BSN: variants seen among roughly 807,000 people sequenced by gnomAD.
The protein encoded by BSN is protein bassoon.
BSN carries 57 observed loss-of-function variants against 264.8 expected under a neutral mutation model. The observed-to-expected ratio is 0.22, with a 90% CI of 0.17 to 0.27. BSN has a LOEUF of 0.27. Among genes scored for constraint, BSN ranks in the 10% least tolerant of loss-of-function variants. The probability of loss-of-function intolerance (pLI) is 1.00; values close to 1 mark genes in which losing one functional copy is unlikely to be tolerated. For synonymous variants in BSN, 2,059 were observed against 2,137.3 expected (o/e 0.96, Z 1.01); for missense variants, 4,615 against 5,232.5 (o/e 0.88, Z 3.64).
chr3:49,661,477 C>A lies in BSN; in HGVS notation c.9632C>A (p.Ala3211Asp), dbSNP rs146448461. The A allele has an allele frequency of 4.1e-3, 6,599 of 1,614,014 alleles. 69 individuals carry two copies. Among genetic ancestry groups the A allele is most frequent in the Non-Finnish European group, 3.2e-3 (3,793 of 1,180,038 alleles). ...CGTGGCAGTGTGAGCCAGAGCCCAG[C>A]CCCCACCTACCCCTCTGACTCACAC... ...GDRGSVSQSP[A>D]PTYPSDSHYT... The change falls in exon 6 of 12, where the codon GCC becomes GAC. Residue 3211 changes from alanine (A) to aspartate (D), a missense_variant. Around this residue, in one of 3 missense-constraint regions of BSN, gnomAD observed 3,415 missense variants for 3,866.4 expected, o/e 0.88. Coordinates refer to ENST00000296452, the MANE Select transcript of BSN (RefSeq NM_003458.4).
rs201932914 is a variant in BSN, at chr3:49,655,323, G to A, written c.5767G>A (p.Val1923Met). Residue 1923 changes from valine to methionine, a missense_variant, in exon 5 of 12, where the codon GTG becomes ATG. Val to Met is a conservative substitution (Grantham distance 21). This residue lies in a region of BSN where 3,415 missense variants were observed against 3,866.4 expected (regional missense o/e 0.88). Transcript: ENST00000296452. ...CTGTFHPAPS[V>M]PEKSMADAAP... Reference sequence around the variant, plus strand: ...TGGCACCTTCCACCCGGCCCCCAGTGTGCCTGAGAAGAGCATGGCAGATGC... The same window carrying A: ...TGGCACCTTCCACCCGGCCCCCAGTATGCCTGAGAAGAGCATGGCAGATGC... The A allele has an allele frequency of 6.2e-7, 1 of 1,610,150 alleles. No individual in the cohort carries two copies. The highest frequency in any genetic ancestry group is 8.5e-7 in the Non-Finnish European group (1 of 1,178,508).
chr3:49,620,379 C>T lies in BSN; in HGVS notation c.225-4596C>T, dbSNP rs577133222. On this transcript the variant is annotated intron_variant, in intron 1 of 11. Transcript: ENST00000296452. ...GGCGGAGGTTGCCGTGAGCTGAGAT[C>T]GCAGCACTGTACTCCAGCCTGGGCG... is the stretch of plus-strand genomic sequence containing the variant. 2.0e-5 allele frequency among the ~76,000 whole-genome samples: 3 copies of T among 150,952 alleles called. No homozygotes were observed. The East Asian group carries it at 5.9e-4, about 30-fold the overall frequency.
chr3:49,613,303 C>CAAGAGA (rs2052223343), intron 1 of BSN, among the ~76,000 whole-genome samples: 1 of 47,332 alleles, frequency 2.1e-5, no homozygotes. Context: ...ACACACAGAG[C>CAAGAGA]GAGAGAGAGA....
intron 2 of BSN, among the ~76,000 whole-genome samples, chr3:49,633,692 A>G (rs1204072196): frequency 6.6e-6 from 1 of 152,230 alleles, no homozygotes; most frequent in East Asian, 1.9e-4. Context: ...CCCATTGACA[A>G]ATGAGCAAAT....
At chr3:49,578,205 C>T (rs2051861666) in intron 1 of BSN, among the ~76,000 whole-genome samples, 1 of 152,084 alleles carries the variant, frequency 6.6e-6, no homozygotes, top group South Asian at 2.1e-4. Flanking sequence ...TTGTTGCCCA[C>T]CTAGGATGGT....
downstream of BSN, among the ~76,000 whole-genome samples, chr3:49,673,036 T>A (rs1354060073): frequency 7.9e-6 from 1 of 126,128 alleles, no homozygotes; most frequent in Non-Finnish European, 1.6e-5. Flanking sequence ...GCCTCGGCCT[T>A]CCAAAGTGCA....
chr3:49,671,153 CGTGCGTGTGTGTGTGTGT>C lies in BSN; in HGVS notation c.*3672_*3689del, dbSNP rs987746469. On this transcript the variant is annotated 3_prime_UTR_variant, in exon 12 of 12. Coordinates refer to ENST00000296452, the MANE Select transcript of BSN (RefSeq NM_003458.4). The surrounding 1 kb of genome is among the most constrained non-coding windows in gnomAD (Gnocchi z 4.1). Reference sequence around the variant, plus strand: ...GATCATGTGTGTATGTGCGTGCGTGCGTGCGTGTGTGTGTGTGTGTGTGTTTCTGCCTCATTCAGTTTC... The same window carrying C: ...GATCATGTGTGTATGTGCGTGCGTGCGTGTGTTTCTGCCTCATTCAGTTTC... 3.5e-4 allele frequency: 18 copies of C among 51,572 alleles called. No individual in the cohort carries two copies. Among genetic ancestry groups the C allele is most frequent in the South Asian group, 1.5e-3 (1 of 676 alleles). The allele number at this position is 51,572 out of a possible 1,614,324, so 3.2% of individuals were successfully genotyped here. A position where few individuals can be genotyped will look rare whatever the true frequency, so the allele number is the denominator to read the frequency against.
At chr3:49,576,602 A>T (rs1321018566) in intron 1 of BSN, among the ~76,000 whole-genome samples, 2 of 151,950 alleles carry the variant, frequency 1.3e-5, no homozygotes, top group Non-Finnish European at 2.9e-5. Flanking sequence ...TTGAAATTTT[A>T]GTAGAGATGG....
chr3:49,650,888 A>G lies in BSN; in HGVS notation c.1795A>G (p.Ser599Gly). Residue 599 changes from serine (S) to glycine (G), a missense_variant, in exon 4 of 12, where the codon AGC becomes GGC. Physicochemically the swap from Ser to Gly is moderately conservative, Grantham distance 56. Transcript: ENST00000296452. ...QAKPLRASEP[S>G]KTPSSVQEKK... is the part of the protein sequence containing the mutation. ...CAAGCCCCTCAGGGCTTCTGAACCC[A>G]GCAAGACCCCAAGCAGTGTCCAGGA... 1 of 1,614,222 alleles carries G rather than the reference A, an allele frequency of 6.2e-7. No individual in the cohort carries two copies. The highest frequency in any genetic ancestry group is 1.1e-5 in the South Asian group (1 of 91,086).
At chr3:49,564,397 A>G (rs1052997795) in intron 1 of BSN, among the ~76,000 whole-genome samples, 2 of 152,142 alleles carry the variant, frequency 1.3e-5, no homozygotes, top group Admixed American at 6.5e-5. Flanking sequence ...AGTCTCTGCT[A>G]TGTTTTCTCT....
At position 49,652,336 on chromosome 3, in the gene BSN, G is replaced by A. The variant is rs1353546365; in HGVS notation, c.2780G>A (p.Gly927Glu). 2.1e-5 allele frequency: 34 copies of A among 1,602,500 alleles called. No individual in the cohort carries two copies. The highest frequency in any genetic ancestry group is 2.9e-5 in the Non-Finnish European group (34 of 1,173,854). ...ATDGSGTLQG[G>E]LRRFKTIELN... ...GATGGCAGTGGGACCCTGCAGGGTG[G>A]GCTCCGTCGCTTCAAGACCATTGAG... Residue 927 changes from glycine to glutamate, a missense_variant, in exon 5 of 12, where the codon GGG becomes GAG. This residue lies in a region of BSN where 1,197 missense variants were observed against 1,348.0 expected (regional missense o/e 0.89). Coordinates refer to ENST00000296452, the MANE Select transcript of BSN (RefSeq NM_003458.4).
intron 1 of BSN, among the ~76,000 whole-genome samples, chr3:49,559,478 A>C (rs1180806152): frequency 1.3e-5 from 2 of 152,222 alleles, no homozygotes; most frequent in Non-Finnish European, 2.9e-5. Flanking sequence ...GCATGAACAT[A>C]ACCACAGCAC....
intron 2 of BSN, among the ~76,000 whole-genome samples, chr3:49,630,584 G>T (rs2052377341): frequency 6.6e-6 from 1 of 152,180 alleles, no homozygotes; most frequent in Admixed American, 6.5e-5. Flanking sequence ...CAGCCACTGG[G>T]GCCGTGAGGA....
intron 1 of BSN, among the ~76,000 whole-genome samples, chr3:49,579,154 A>AT (rs111577896): frequency 9.3e-4 from 132 of 141,802 alleles, no homozygotes; most frequent in East Asian, 2.5e-3. Context: ...TGCCTGGCTA[A>AT]TTTTTTTTTT....
intron 1 of BSN, among the ~76,000 whole-genome samples, chr3:49,615,359 T>G (rs951981185): frequency 6.6e-6 from 1 of 152,308 alleles, no homozygotes; most frequent in East Asian, 1.9e-4. Flanking sequence ...CACTGGTGTA[T>G]ACTGATGCAT....
Position 49,657,450 on chromosome 3 carries a change from C to G in BSN, c.7894C>G (p.Arg2632Gly). Residue 2632 changes from arginine to glycine, a missense_variant, in exon 5 of 12, where the codon CGT becomes GGT. Coordinates refer to ENST00000296452, the MANE Select transcript of BSN (RefSeq NM_003458.4). ...WEQPVRRRRS[R>G]LPRHSDSGSD... is the part of the protein sequence containing the mutation. ...GCAGCCAGTGCGCCGCCGCAGGTCT[C>G]GTCTTCCCCGCCACTCAGACTCAGG... is the stretch of plus-strand genomic sequence containing the variant. 1.2e-6 allele frequency: 2 copies of G among 1,612,632 alleles called. No individual in the cohort carries two copies. The highest frequency in any genetic ancestry group is 8.5e-7 in the Non-Finnish European group (1 of 1,179,712).
chr3:49,599,495 T>TG (rs1392917116), intron 1 of BSN, among the ~76,000 whole-genome samples: 1 of 152,124 alleles, frequency 6.6e-6, no homozygotes, highest in Non-Finnish European at 1.5e-5. Context: ...CCATACCTGC[T>TG]GGGGGTAGAG....
At chr3:49,575,245 T>C (rs2051834110) in intron 1 of BSN, among the ~76,000 whole-genome samples, 1 of 151,616 alleles carries the variant, frequency 6.6e-6, no homozygotes, top group Non-Finnish European at 1.5e-5. Context: ...TCCCAGCTAC[T>C]AGGGAGGCTG....
intron 11 of BSN, among the ~76,000 whole-genome samples, chr3:49,666,921 C>T (rs1180847636): frequency 1.3e-5 from 2 of 151,420 alleles, no homozygotes; most frequent in Non-Finnish European, 1.5e-5. Flanking sequence ...GCTTCCCGCT[C>T]AGCTGATGTT....
Sources: gnomAD v4.1 joint callset for allele counts (sites outside exome capture counted in the v4.1 genomes callset) on GRCh38, gnomAD v4.1.1 for gene constraint, gnomAD v4.1.1 regional missense constraint, Gnocchi (gnomAD v3.1) non-coding constraint, MANE v1.5 for transcripts, NCBI Gene and HGNC (gene_info 2026-07-23, HGNC 2026-07-21) for gene names.